The following SLC38A4 variants were observed in gnomAD, a reference collection of about 807,000 sequenced individuals.
SLC38A4 encodes the protein solute carrier family 38 member 4.
A neutral mutation model predicts 63.1 loss-of-function variants in SLC38A4; 20 were observed. The observed-to-expected ratio is 0.32, with a 90% CI of 0.22 to 0.46. The LOEUF (loss-of-function observed/expected upper bound fraction) is 0.46, where lower values mean the gene tolerates loss of function less well. SLC38A4 is among the 20% of genes least tolerant of loss of function. The pLI is 1.00. For synonymous variants in SLC38A4, 230 were observed against 225.5 expected (o/e 1.02, Z -0.18); for missense variants, 526 against 663.6 (o/e 0.79, Z 2.28).
rs986662353 is a variant in SLC38A4, at chr12:46,785,147, T to C, written c.357A>G (p.Ser119=). ...TTAATAAAAGGTGAACTGAATACAGTGATAATATTGCCACAGCAAGCAGCA... is the reference window on the plus strand; with the variant it reads ...TTAATAAAAGGTGAACTGAATACAGCGATAATATTGCCACAGCAAGCAGCA... ...IIMLLAVAIL[S]LYSVHLLLKT... Residue 119 remains serine (S), a synonymous_variant, in exon 6 of 17, where the codon TCA becomes TCG. Transcript: ENST00000266579. 1 of 1,612,802 alleles carries C rather than the reference T, an allele frequency of 6.2e-7. No individual in the cohort carries two copies. The highest frequency in any genetic ancestry group is 8.5e-7 in the Non-Finnish European group (1 of 1,179,162).
chr12:46,810,323 A>T (rs1185199227), intron 1 of SLC38A4, among the ~76,000 whole-genome samples: 2 of 151,876 alleles, frequency 1.3e-5, no homozygotes, highest in Non-Finnish European at 2.9e-5. Flanking sequence ...CTCACTCATA[A>T]GTGGGAGTTG....
chr12:46,815,664 G>T (rs769798480), intron 1 of SLC38A4, among the ~76,000 whole-genome samples: 3 of 151,722 alleles, frequency 2.0e-5, no homozygotes, highest in South Asian at 2.1e-4. Context: ...ATAAGCAGTA[G>T]ATTATTTTGA....
intron 1 of SLC38A4, among the ~76,000 whole-genome samples, chr12:46,823,623 C>T (rs903898591): frequency 6.6e-6 from 1 of 152,174 alleles, no homozygotes; most frequent in Non-Finnish European, 1.5e-5. Flanking sequence ...AGTCAGGGCT[C>T]CAGACTGACT....
chr12:46,801,204 TA>T (rs1939126020), intron 2 of SLC38A4, among the ~76,000 whole-genome samples: 1 of 152,132 alleles, frequency 6.6e-6, no homozygotes, highest in South Asian at 2.1e-4. Context: ...TCATATTAAT[TA>T]AAAGGTATCT....
At chr12:46,772,538 A>G (rs1055558197) in intron 14 of SLC38A4, among the ~76,000 whole-genome samples, 2 of 152,098 alleles carry the variant, frequency 1.3e-5, no homozygotes, top group Admixed American at 6.6e-5. Context: ...GTGCCATTCC[A>G]TAACTGATAC....
chr12:46,809,075 T>C (rs1441229268), intron 1 of SLC38A4, among the ~76,000 whole-genome samples: 2 of 152,038 alleles, frequency 1.3e-5, no homozygotes, highest in African/African-American at 4.8e-5. Context: ...TGCATTTTGA[T>C]TTTGTAATTT....
intron 1 of SLC38A4, among the ~76,000 whole-genome samples, chr12:46,815,443 T>C (rs1939425166): frequency 1.3e-5 from 2 of 151,532 alleles, no homozygotes; most frequent in Admixed American, 1.3e-4. Context: ...CTTCCTTTTT[T>C]ATTTTTGCAC....
In SLC38A4 at chr12:46,775,038, T is replaced by C. The variant is rs1938493509; in HGVS notation, c.1299+11A>G. ...AAGTAGGTTTCTTTCATCAAAGTCT[T>C]ATGTACTTACTGGGAAGAGGACAAT... On this transcript the variant is annotated intron_variant, in intron 14 of 16. Transcript: ENST00000266579. The C allele has an allele frequency of 6.2e-7, 1 of 1,611,580 alleles. No individual in the cohort carries two copies. The highest frequency in any genetic ancestry group is 1.3e-5 in the African/African-American group (1 of 74,772).
intron 1 of SLC38A4, among the ~76,000 whole-genome samples, chr12:46,816,652 T>C (rs1367578650): frequency 6.6e-6 from 1 of 151,916 alleles, no homozygotes; most frequent in Admixed American, 6.6e-5. Flanking sequence ...CACTTGACTG[T>C]TTCCCCATTT....
intron 1 of SLC38A4, among the ~76,000 whole-genome samples, chr12:46,821,546 C>T (rs1479656286): frequency 2.0e-5 from 3 of 151,908 alleles, no homozygotes; most frequent in East Asian, 3.9e-4. Context: ...TACCATACAG[C>T]TTTTGTTGTC....
At chr12:46,804,667 G>A (rs1299501986) in intron 1 of SLC38A4, among the ~76,000 whole-genome samples, 1 of 152,006 alleles carries the variant, frequency 6.6e-6, no homozygotes, top group Non-Finnish European at 1.5e-5. Flanking sequence ...TAAACAAAAT[G>A]TGTAGTTAAC....
At position 46,765,530 on chromosome 12, in the gene SLC38A4, C is replaced by A. The variant is rs1334133212; in HGVS notation, c.*1171G>T. On this transcript the variant is annotated 3_prime_UTR_variant, in exon 17 of 17. Transcript: ENST00000266579. Reference sequence around the variant, plus strand: ...TTGTAAATATTGAAGAAGAGCATTGCCAAACTATATATAACTTAGGTTTCA... The same window carrying A: ...TTGTAAATATTGAAGAAGAGCATTGACAAACTATATATAACTTAGGTTTCA... 2.4e-5 allele frequency: 7 copies of A among 294,426 alleles called. No individual in the cohort carries two copies. The highest frequency in any genetic ancestry group is 3.3e-5 in the Non-Finnish European group (5 of 151,934). The allele number at this position is 294,426 out of a possible 1,614,324, so 18.2% of individuals were successfully genotyped here.
chr12:46,785,074 A>G, intron 6 of SLC38A4, 30 bp downstream of exon 6: 1 of 1,509,336 alleles, frequency 6.6e-7, no homozygotes, highest in Non-Finnish European at 9.2e-7. Context: ...GAATTAAAAT[A>G]GAATGTGTTG....
rs1273431497 is a variant in SLC38A4 at position 46,766,468 on chromosome 12, A to G, written c.*233T>C. 3 of 624,700 alleles carry G rather than the reference A, an allele frequency of 4.8e-6. No homozygotes were observed. Among genetic ancestry groups the G allele is most frequent in the Non-Finnish European group, 8.9e-6 (3 of 335,308 alleles). The allele number at this position is 624,700 out of a possible 1,614,324, so 38.7% of individuals were successfully genotyped here. A position where few individuals can be genotyped will look rare whatever the true frequency, so the allele number is the denominator to read the frequency against. ...TTCATCATCTCACACTGCTCTAGCAAAACCTGGGTAGAAATGTGCACCACA... is the reference window on the plus strand; with the variant it reads ...TTCATCATCTCACACTGCTCTAGCAGAACCTGGGTAGAAATGTGCACCACA... On this transcript the variant is annotated 3_prime_UTR_variant, in exon 17 of 17. Transcript: ENST00000266579.
intron 1 of SLC38A4, among the ~76,000 whole-genome samples, chr12:46,810,318 T>C (rs1172297968): frequency 6.6e-6 from 1 of 151,828 alleles, no homozygotes; most frequent in East Asian, 1.9e-4. Flanking sequence ...TTGTTCTCAC[T>C]CATAAGTGGG....
chr12:46,829,520 G>C (rs1939702935), upstream of SLC38A4, among the ~76,000 whole-genome samples: 1 of 152,022 alleles, frequency 6.6e-6, no homozygotes, highest in African/African-American at 2.4e-5. Context: ...TCCACAAGCT[G>C]TTATGTGTAC....
chr12:46,800,458 G>T (rs1328643155), intron 2 of SLC38A4, among the ~76,000 whole-genome samples: 1 of 151,852 alleles, frequency 6.6e-6, no homozygotes, highest in African/African-American at 2.4e-5. Context: ...CACTGCCACT[G>T]CAGGACCTCT....
rs1281228842 is a variant in SLC38A4, at chr12:46,778,516, A to G, written c.978T>C (p.Phe326=). 6.2e-7 allele frequency: 1 copy of G among 1,611,206 alleles called. No homozygotes were observed. ...GCTCACTTACCCGGGAGTTGAATAC[A>G]AAGTATTTGGGTTCACACTTGTCAT... is the stretch of plus-strand genomic sequence containing the variant. ...HSDDKCEPKY[F]VFNSRTAYAI... The change falls in exon 11 of 17, where the codon TTT becomes TTC. Residue 326 remains phenylalanine (F), a synonymous_variant. Transcript: ENST00000266579.
intron 2 of SLC38A4, among the ~76,000 whole-genome samples, chr12:46,798,719 A>G (rs943963713): frequency 1.3e-5 from 2 of 152,180 alleles, no homozygotes; most frequent in Admixed American, 6.5e-5. Context: ...CTCATATGGC[A>G]CTTACCACAT....
Sources: allele counts gnomAD v4.1 joint callset (sites outside exome capture counted in the v4.1 genomes callset), GRCh38; gene constraint gnomAD v4.1.1; transcripts MANE v1.5; gene names NCBI Gene and HGNC (gene_info 2026-07-23, HGNC 2026-07-21).